Variants in CDH13 observed in about 807,000 individuals in gnomAD.
The protein encoded by CDH13 is cadherin-13.
CDH13 carries 24 observed loss-of-function variants against 63.8 expected under a neutral mutation model. The observed-to-expected ratio is 0.38, with a 90% CI of 0.27 to 0.53. The LOEUF (loss-of-function observed/expected upper bound fraction) is 0.53. CDH13 is among the 20% of genes least tolerant of loss of function. The pLI is 0.85. For missense variants in CDH13, 1,049 were observed against 903.1 expected, an observed-to-expected ratio of 1.16 and a Z score of -2.07; for synonymous variants, 503 against 355.3, an observed-to-expected ratio of 1.42 and a Z score of -4.67.
At position 82,865,013 on chromosome 16, in the gene CDH13, A is replaced by G. The variant is rs187412060; in HGVS notation, c.157+6540A>G. Among the ~76,000 whole-genome samples, 4 of 152,356 alleles carry G rather than the reference A, an allele frequency of 2.6e-5. No homozygotes were observed. The East Asian group carries it at 7.7e-4, about 29-fold the overall frequency. ...GCAAGTCCAAAATCCAGCAGGGCAG[A>G]TAAATCTTAAAGCTCTGAAATGATC... is the stretch of plus-strand genomic sequence containing the variant. On this transcript the variant is annotated intron_variant, in intron 2 of 13. Coordinates refer to ENST00000567109, the MANE Select transcript of CDH13 (RefSeq NM_001257.5).
chr16:83,001,929 T>C lies in CDH13; in HGVS notation c.158-30081T>C, dbSNP rs1002048711. Reference sequence around the variant, plus strand: ...AGCTGTACACCTCAGGAACATCATATCATAGAAAAGGGAAGACAAAAAAGG... The same window carrying C: ...AGCTGTACACCTCAGGAACATCATACCATAGAAAAGGGAAGACAAAAAAGG... On this transcript the variant is annotated intron_variant, in intron 2 of 13. Transcript: ENST00000567109. Among the ~76,000 whole-genome samples, 24 of 152,160 alleles carry C rather than the reference T, an allele frequency of 1.6e-4. 1 individual carries two copies. The highest frequency in any genetic ancestry group is 7.2e-4 in the Admixed American group (11 of 15,284).
At chr16:83,509,074 A>G (rs568548080) in intron 7 of CDH13, among the ~76,000 whole-genome samples, 7 of 152,170 alleles carry the variant, frequency 4.6e-5, no homozygotes, top group Non-Finnish European at 1.0e-4. Flanking sequence ...ATTTGAAGCC[A>G]AGTTTCCATA....
chr16:83,521,870 A>G (rs577340956), intron 7 of CDH13, among the ~76,000 whole-genome samples: 10 of 152,322 alleles, frequency 6.6e-5, no homozygotes, highest in Admixed American at 3.9e-4. Flanking sequence ...AACTTCACCT[A>G]TAATACAGGG....
At chr16:82,760,948 C>CTACCCCCA (rs903821061) in intron 1 of CDH13, among the ~76,000 whole-genome samples, 8 of 149,604 alleles carry the variant, frequency 5.3e-5, no homozygotes, top group African/African-American at 2.0e-4. Flanking sequence ...CAGGAGGGAT[C>CTACCCCCA]TACCCCCATA....
chr16:83,091,621 C>T (rs1401225069), intron 3 of CDH13, among the ~76,000 whole-genome samples: 1 of 152,174 alleles, frequency 6.6e-6, no homozygotes, highest in Non-Finnish European at 1.5e-5. Context: ...TTCTGTTTCT[C>T]TGTTTCTGTA....
chr16:83,411,772 A>G (rs141201659), intron 6 of CDH13, among the ~76,000 whole-genome samples: 3 of 152,326 alleles, frequency 2.0e-5, no homozygotes, highest in East Asian at 3.9e-4. Flanking sequence ...TGATGATGCC[A>G]GGAAGTAATA....
At chr16:82,950,032 GGT>G (rs796718620) in intron 2 of CDH13, among the ~76,000 whole-genome samples, 31 of 152,212 alleles carry the variant, frequency 2.0e-4, no homozygotes, top group African/African-American at 6.3e-4. Context: ...AGATTGTTGA[GGT>G]GTGTCTTAGT....
At chr16:82,795,963 A>G (rs2036562095) in intron 1 of CDH13, among the ~76,000 whole-genome samples, 1 of 130,250 alleles carries the variant, frequency 7.7e-6, no homozygotes, top group Non-Finnish European at 1.6e-5. Flanking sequence ...TTTTTTTTTC[A>G]TTCAACAAAC....
chr16:83,150,854 C>A lies in CDH13; in HGVS notation c.483+25353C>A, dbSNP rs367747648. ...GAACAACCTGCATGACTGGCCCTTC[C>A]CCTTAACCATTTCCATTATAGCATA... On this transcript the variant is annotated intron_variant, in intron 4 of 13. Coordinates refer to ENST00000567109, the MANE Select transcript of CDH13 (RefSeq NM_001257.5). 2.6e-5 allele frequency among the ~76,000 whole-genome samples: 4 copies of A among 152,188 alleles called. No individual in the cohort carries two copies. In the East Asian group the frequency reaches 5.8e-4, roughly 22 times the overall value.
At chr16:83,353,464 C>G (rs970510478) in intron 6 of CDH13, among the ~76,000 whole-genome samples, 1 of 152,228 alleles carries the variant, frequency 6.6e-6, no homozygotes, top group Non-Finnish European at 1.5e-5. Context: ...GAGCTGGATA[C>G]CAAAGCATCT....
At chr16:83,032,273 G>C in intron 3 of CDH13, 55 bp downstream of exon 3, 1 of 1,367,286 alleles carries the variant, frequency 7.3e-7, no homozygotes, top group East Asian at 2.3e-5. Flanking sequence ...GGTTCTGTCT[G>C]TCTTATGTGG....
At chr16:82,782,385 C>A (rs769690211) in intron 1 of CDH13, among the ~76,000 whole-genome samples, 1 of 152,108 alleles carries the variant, frequency 6.6e-6, no homozygotes, top group Non-Finnish European at 1.5e-5. Context: ...CATGGTGAAA[C>A]TCTGTCTTTA....
chr16:83,211,361 C>G (rs1597523559), intron 4 of CDH13, among the ~76,000 whole-genome samples: 1 of 152,038 alleles, frequency 6.6e-6, no homozygotes. Context: ...AATTACCACC[C>G]GAAGTTTATA....
intron 7 of CDH13, among the ~76,000 whole-genome samples, chr16:83,584,264 G>T (rs1039401767): frequency 2.6e-5 from 4 of 152,200 alleles, no homozygotes; most frequent in Admixed American, 2.6e-4. Flanking sequence ...AGGAGGCGGA[G>T]CTTGCAGTGA....
At chr16:83,242,850 C>G (rs150908136) in intron 5 of CDH13, among the ~76,000 whole-genome samples, 2 of 152,188 alleles carry the variant, frequency 1.3e-5, no homozygotes, top group African/African-American at 2.4e-5. Flanking sequence ...TTCTCACTTC[C>G]CCTGACTCAG....
chr16:83,785,431 C>T (rs1468414581), intron 13 of CDH13, among the ~76,000 whole-genome samples: 3 of 152,200 alleles, frequency 2.0e-5, no homozygotes, highest in Non-Finnish European at 4.4e-5. Context: ...TTCCCAAAGG[C>T]CCACCCTCGT....
At chr16:83,048,712 T>C (rs1471689847) in intron 3 of CDH13, among the ~76,000 whole-genome samples, 1 of 152,320 alleles carries the variant, frequency 6.6e-6, no homozygotes, top group East Asian at 1.9e-4. Flanking sequence ...CCTTCACTTG[T>C]ACCCTTGAAC....
At chr16:82,784,415 C>G (rs770687799) in intron 1 of CDH13, among the ~76,000 whole-genome samples, 5 of 152,146 alleles carry the variant, frequency 3.3e-5, no homozygotes, top group African/African-American at 4.8e-5. Flanking sequence ...GAAATGTGGT[C>G]CAGCTGTGTG....
intron 10 of CDH13, among the ~76,000 whole-genome samples, chr16:83,728,483 T>G (rs185638864): frequency 1.3e-5 from 2 of 152,234 alleles, no homozygotes; most frequent in East Asian, 3.9e-4. Flanking sequence ...GAATTAGGCT[T>G]GATAAGAACT....
Sources: allele counts gnomAD v4.1 joint callset (sites outside exome capture counted in the v4.1 genomes callset), GRCh38; gene constraint gnomAD v4.1.1; transcripts MANE v1.5; gene names NCBI Gene and HGNC (gene_info 2026-07-23, HGNC 2026-07-21).